NDUFAF6: variants seen among roughly 807,000 people sequenced by gnomAD.
NDUFAF6 encodes the protein NADH:ubiquinone oxidoreductase complex assembly factor 6.
NDUFAF6 carries 45 observed loss-of-function variants against 40.8 expected under a neutral mutation model. That is an observed-to-expected ratio of 1.10 (90% CI 0.87 to 1.42). The LOEUF is 1.42. Among genes scored for constraint, NDUFAF6 ranks in the 40% most tolerant of loss-of-function variants. The pLI, the probability that NDUFAF6 is intolerant of heterozygous loss-of-function variation, is 0.00. For missense variants in NDUFAF6, 435 were observed against 418.5 expected (o/e 1.04, Z -0.34); for synonymous variants, 185 against 155.9 (o/e 1.19, Z -1.39).
At position 94,958,522 on chromosome 8, in the gene NDUFAF6, C is replaced by CTTTTTTT. The variant is rs55703438; in HGVS notation, c.-199+367_-199+373dup. 2.3e-3 allele frequency among the ~76,000 whole-genome samples: 165 copies of CTTTTTTT among 71,274 alleles called. 16 individuals are homozygous for CTTTTTTT. Among genetic ancestry groups the CTTTTTTT allele is most frequent in the African/African-American group, 5.1e-3 (86 of 16,946 alleles). The allele number at this position is 71,274 out of a possible 152,430, so 46.8% of individuals were successfully genotyped here. On this transcript the variant is annotated intron_variant, in intron 1 of 9. Transcript: ENST00000396111. Reference sequence around the variant, plus strand: ...CCCTATCTCCACACATAGTCACATTCTTTTTTTTTTTTTTTTTTTTTTTTT... The same window carrying CTTTTTTT: ...CCCTATCTCCACACATAGTCACATTCTTTTTTTTTTTTTTTTTTTTTTTTTTTTTTTT...
At chr8:94,966,550 C>T (rs980954573) in intron 1 of NDUFAF6, among the ~76,000 whole-genome samples, 7 of 152,102 alleles carry the variant, frequency 4.6e-5, no homozygotes, top group Middle Eastern at 3.2e-3. Flanking sequence ...GCTGTGACTG[C>T]ACCACTGCAC....
At chr8:94,915,606 G>T (rs1000710551) in intron 1 of NDUFAF6, among the ~76,000 whole-genome samples, 6 of 152,170 alleles carry the variant, frequency 3.9e-5, no homozygotes, top group African/African-American at 1.4e-4. Flanking sequence ...TTGTTGGGTC[G>T]AATGGTAATT....
chr8:94,945,400 C>T (rs1255961281), intron 1 of NDUFAF6: 3 of 152,126 alleles, frequency 2.0e-5, no homozygotes, highest in Non-Finnish European at 4.4e-5. Context: ...ATTAACTTCA[C>T]CAGTTTCTTT....
At chr8:95,033,864 A>G (rs1193415409) in intron 2 of NDUFAF6, 2 of 380,354 alleles carry the variant, frequency 5.3e-6, no homozygotes, top group Admixed American at 3.2e-5. Context: ...GGAGGGGCGC[A>G]TGGGAGGAGA....
intron 2 of NDUFAF6, among the ~76,000 whole-genome samples, chr8:95,082,070 A>AC (rs958658375): frequency 4.5e-4 from 68 of 151,862 alleles, no homozygotes; most frequent in African/African-American, 1.6e-3. Context: ...TCTCAAAAAA[A>AC]AACAACAAAA....
chr8:95,091,233 A>G (rs927899459), intron 2 of NDUFAF6, among the ~76,000 whole-genome samples: 1 of 152,116 alleles, frequency 6.6e-6, no homozygotes, highest in African/African-American at 2.4e-5. Flanking sequence ...ACAGTTCCAC[A>G]TAGCTGGGAA....
chr8:95,028,057 G>T (rs562947204), intron 1 of NDUFAF6, among the ~76,000 whole-genome samples: 18 of 152,338 alleles, frequency 1.2e-4, no homozygotes, highest in African/African-American at 4.1e-4. Context: ...TCTTTACTTT[G>T]CTGCAATCTC....
chr8:94,985,890 T>C (rs1242534572), intron 2 of NDUFAF6, among the ~76,000 whole-genome samples: 1 of 142,252 alleles, frequency 7.0e-6, no homozygotes, highest in Non-Finnish European at 1.5e-5. Context: ...TTTTTTTTTT[T>C]TGAGACGCAG....
At chr8:94,955,015 A>G (rs1432055344), upstream of NDUFAF6, among the ~76,000 whole-genome samples, 2 of 152,216 alleles carry the variant, frequency 1.3e-5, no homozygotes, top group African/African-American at 2.4e-5. Context: ...GAAAGAACAG[A>G]TAATTATGGA....
At chr8:94,955,391 A>G (rs546810951), upstream of NDUFAF6, among the ~76,000 whole-genome samples, 1 of 152,334 alleles carries the variant, frequency 6.6e-6, no homozygotes, top group South Asian at 2.1e-4. Flanking sequence ...CACTCCTGTG[A>G]TAACTAACCC....
chr8:95,067,257 T>A (rs553446519), intron 9 of NDUFAF6: 1 of 152,258 alleles, frequency 6.6e-6, no homozygotes, highest in South Asian at 2.1e-4. Flanking sequence ...ATGAACTGTG[T>A]ACCTAGACAG....
intron 1 of NDUFAF6, among the ~76,000 whole-genome samples, chr8:94,914,845 A>G (rs1819023009): frequency 6.6e-6 from 1 of 152,176 alleles, no homozygotes; most frequent in Non-Finnish European, 1.5e-5. Context: ...AAAAAATACA[A>G]AAGTGAGTAA....
At chr8:94,936,690 A>G (rs1261123330) in intron 1 of NDUFAF6, among the ~76,000 whole-genome samples, 1 of 151,994 alleles carries the variant, frequency 6.6e-6, no homozygotes, top group African/African-American at 2.4e-5. Context: ...AACCCTACGG[A>G]AATTTGAGGG....
chr8:95,022,588 C>CAAA (rs77755094), upstream of NDUFAF6, among the ~76,000 whole-genome samples: 597 of 111,320 alleles, frequency 5.4e-3, 3 homozygotes, highest in African/African-American at 0.019. Flanking sequence ...TTTACCCCTC[C>CAAA]AAAAAAAAAA....
At position 94,947,296 on chromosome 8, in the gene NDUFAF6, A is replaced by C. The variant is rs905118350; in HGVS notation, c.-799+1677A>C. Among the ~76,000 whole-genome samples, 6 of 152,146 alleles carry C rather than the reference A, an allele frequency of 3.9e-5. 1 individual carries two copies. The highest frequency in any genetic ancestry group is 9.6e-5 in the African/African-American group (4 of 41,524). Reference sequence around the variant, plus strand: ...CTCCAAAAAATATTAAAAAAAAAAAAAAAACCCGCAAGTTTGATGATCTAA... The same window carrying C: ...CTCCAAAAAATATTAAAAAAAAAAACAAAACCCGCAAGTTTGATGATCTAA... On this transcript the variant is annotated intron_variant, in intron 2 of 14. Transcript: ENST00000396113.
chr8:95,006,966 T>G (rs1393949652), intron 2 of NDUFAF6, among the ~76,000 whole-genome samples: 1 of 152,004 alleles, frequency 6.6e-6, no homozygotes, highest in South Asian at 2.1e-4. Flanking sequence ...GAAAGACTCC[T>G]TGGAGTCCAT....
At chr8:94,953,039 A>G (rs1394023403), upstream of NDUFAF6, among the ~76,000 whole-genome samples, 1 of 152,220 alleles carries the variant, frequency 6.6e-6, no homozygotes, top group Non-Finnish European at 1.5e-5. Context: ...AGGTAACCCA[A>G]TTATTTATGT....
At chr8:95,102,211 G>C (rs1282318556) in intron 2 of NDUFAF6, among the ~76,000 whole-genome samples, 1 of 152,088 alleles carries the variant, frequency 6.6e-6, no homozygotes, top group Non-Finnish European at 1.5e-5. Context: ...GGCCAGGCTG[G>C]TCTTGAACTC....
chr8:95,060,377 AT>A (rs1205578623), downstream of NDUFAF6, among the ~76,000 whole-genome samples: 2 of 152,246 alleles, frequency 1.3e-5, no homozygotes, highest in Non-Finnish European at 2.9e-5. Flanking sequence ...AGCAGATAAC[AT>A]ATTAAGTATA....
Sources: gnomAD v4.1 joint callset for allele counts (sites outside exome capture counted in the v4.1 genomes callset) on GRCh38, gnomAD v4.1.1 for gene constraint, MANE v1.5 for transcripts, NCBI Gene and HGNC (gene_info 2026-07-23, HGNC 2026-07-21) for gene names.